Variants in ZNF536 observed in about 807,000 individuals in gnomAD.
ZNF536 encodes the protein zinc finger protein 536.
Under a neutral mutation model 84.5 loss-of-function variants are expected in ZNF536, and 13 were observed. That is an observed-to-expected ratio of 0.15 (90% CI 0.10 to 0.24). The LOEUF (loss-of-function observed/expected upper bound fraction) is 0.24. Among genes scored for constraint, ZNF536 ranks in the 10% least tolerant of loss-of-function variants. ZNF536 has a pLI of 1.00. For missense variants in ZNF536, 1,536 were observed against 1,747.5 expected, an observed-to-expected ratio of 0.88 and a Z score of 2.16; for synonymous variants, 811 against 742.5, an observed-to-expected ratio of 1.09 and a Z score of -1.50.
chr19:30,326,813 T>TTTTTTTTTTTG (rs2047052922), intron 2 of ZNF536, among the ~76,000 whole-genome samples: 1 of 139,254 alleles, frequency 7.2e-6, no homozygotes, highest in African/African-American at 2.7e-5. Flanking sequence ...TTTTTTTTTT[T>TTTTTTTTTTTG]TTTTTGTTTT....
At chr19:30,334,011 G>A (rs1318666183) in intron 2 of ZNF536, among the ~76,000 whole-genome samples, 1 of 152,078 alleles carries the variant, frequency 6.6e-6, no homozygotes, top group African/African-American at 2.4e-5. Context: ...CACCCTTCAG[G>A]TTGAAAATAG....
chr19:30,701,175 G>T (rs1339215352), intron 1 of ZNF536, among the ~76,000 whole-genome samples: 3 of 149,552 alleles, frequency 2.0e-5, no homozygotes, highest in Non-Finnish European at 4.4e-5. Context: ...TCTGGTGCAT[G>T]TGCTATATCT....
intron 2 of ZNF536, among the ~76,000 whole-genome samples, chr19:30,450,606 G>A (rs2052557620): frequency 6.6e-6 from 1 of 152,190 alleles, no homozygotes; most frequent in Non-Finnish European, 1.5e-5. Context: ...GCTCAAGCAT[G>A]TGAGTGATGC....
intron 1 of ZNF536, among the ~76,000 whole-genome samples, chr19:30,579,715 A>C (rs764219182): frequency 1.3e-5 from 2 of 152,184 alleles, no homozygotes; most frequent in Non-Finnish European, 2.9e-5. Flanking sequence ...CTGTCCCCAC[A>C]TCCCCAAGGG....
intron 1 of ZNF536, among the ~76,000 whole-genome samples, chr19:30,654,934 T>C (rs1275592833): frequency 6.6e-6 from 1 of 152,102 alleles, no homozygotes; most frequent in Non-Finnish European, 1.5e-5. Flanking sequence ...AATTTTTATT[T>C]CTGAATGCTG....
Position 30,548,032 on chromosome 19 carries a change from C to T in ZNF536, c.2413C>T (p.Arg805Trp), listed in dbSNP as rs749973474. 33 of 1,613,636 alleles carry T rather than the reference C, an allele frequency of 2.0e-5. No homozygotes were observed. Among genetic ancestry groups the T allele is most frequent in the African/African-American group, 9.3e-5 (7 of 74,908 alleles). The stretch of plus-strand genomic sequence containing the variant: ...CCACTTAGAGCGACACCATCGGGAG[C>T]GGCAGAACGGGGCTGGGCCGCTGTC... ...KYHLERHHRE[R>W]QNGAGPLSGQ... is the part of the protein sequence containing the mutation. The change falls in exon 4 of 5, where the codon CGG becomes TGG. Residue 805 changes from arginine (R) to tryptophan (W), a missense_variant. Around this residue, in one of 8 missense-constraint regions of ZNF536, gnomAD observed 148 missense variants for 205.4 expected, o/e 0.72. Transcript: ENST00000355537.
intron 1 of ZNF536, among the ~76,000 whole-genome samples, chr19:30,590,757 G>A (rs2047248869): frequency 6.6e-6 from 1 of 152,216 alleles, no homozygotes; most frequent in South Asian, 2.1e-4. Flanking sequence ...TGCAGAGTGA[G>A]AGGCTTGGAC....
chr19:30,264,995 T>C (rs994539992), intron 1 of ZNF536, among the ~76,000 whole-genome samples: 3 of 130,680 alleles, frequency 2.3e-5, no homozygotes, highest in African/African-American at 2.9e-5. Context: ...GAGAGATTCA[T>C]TGACCAACAC....
In ZNF536 at chr19:30,413,530, A is replaced by G. The variant is rs539556456; in HGVS notation, c.-2-30031A>G. ...CTGTAATACATGTAACATTTTTGAG[A>G]TGTTGCATGGATGTTTGTAAAGAAT... On this transcript the variant is annotated intron_variant, in intron 1 of 4. Coordinates refer to ENST00000355537, the MANE Select transcript of ZNF536 (RefSeq NM_014717.3). Among the ~76,000 whole-genome samples the G allele has an allele frequency of 1.3e-3, 193 of 152,166 alleles. 2 individuals are homozygous for G. Among genetic ancestry groups the G allele is most frequent in the Middle Eastern group, 3.4e-3 (1 of 294 alleles).
chr19:30,350,975 G>C (rs981781564), intron 2 of ZNF536, among the ~76,000 whole-genome samples: 1 of 152,172 alleles, frequency 6.6e-6, no homozygotes. Flanking sequence ...CATATGCGGG[G>C]TGGTCTGTGC....
At chr19:30,512,825 A>G (rs2055471497) in intron 2 of ZNF536, among the ~76,000 whole-genome samples, 1 of 152,230 alleles carries the variant, frequency 6.6e-6, no homozygotes, top group Admixed American at 6.5e-5. Flanking sequence ...CTAGCAATCT[A>G]TAGAATGCAA....
intron 1 of ZNF536, among the ~76,000 whole-genome samples, chr19:30,588,133 T>G (rs1355966613): frequency 6.6e-6 from 1 of 152,252 alleles, no homozygotes; most frequent in Non-Finnish European, 1.5e-5. Flanking sequence ...CAGATGCACC[T>G]GCTGGGCTGG....
chr19:30,361,468 G>C (rs2048273068), intron 3 of ZNF536, among the ~76,000 whole-genome samples: 1 of 150,998 alleles, frequency 6.6e-6, no homozygotes, highest in African/African-American at 2.4e-5. Flanking sequence ...TAATTATGGT[G>C]CTTTTTGCTT....
chr19:30,589,145 C>T (rs1429640262), intron 1 of ZNF536, among the ~76,000 whole-genome samples: 1 of 152,208 alleles, frequency 6.6e-6, no homozygotes, highest in Non-Finnish European at 1.5e-5. Context: ...CACCTTCCAA[C>T]CCTAGGGCCA....
chr19:30,286,386 A>G (rs2045627217), intron 2 of ZNF536, among the ~76,000 whole-genome samples: 1 of 152,124 alleles, frequency 6.6e-6, no homozygotes, highest in Non-Finnish European at 1.5e-5. Flanking sequence ...GGGAAGAAAC[A>G]GGTTTTGCCC....
At position 30,393,598 on chromosome 19, in the gene ZNF536, C is replaced by A. The variant is rs575474189; in HGVS notation, c.-3+21042C>A. Among the ~76,000 whole-genome samples the A allele has an allele frequency of 1.1e-4, 16 of 152,190 alleles. No individual in the cohort carries two copies. The South Asian group carries it at 3.3e-3, about 32-fold the overall frequency. ...GCCTCTGGTCCTAGGCTAGGGGCAG[C>A]GTCACATTCTCAGGCAGGGGTTACA... On this transcript the variant is annotated intron_variant, in intron 1 of 4. Transcript: ENST00000355537.
intron 2 of ZNF536, among the ~76,000 whole-genome samples, chr19:30,460,059 C>T (rs778144635): frequency 4.6e-5 from 7 of 152,184 alleles, no homozygotes; most frequent in Admixed American, 2.6e-4. Flanking sequence ...GCTGCCATAG[C>T]TCACACCTCA....
rs189624160 is a variant in ZNF536, at chr19:30,333,930, T to A, written c.-119-18438T>A. ...TCCTTTTCTGCAAAGATGATTTTTT[T>A]AAAAAATCACTCTTTTGGTGTGCTA... On this transcript the variant is annotated intron_variant, in intron 2 of 5. Coordinates refer to the ZNF536 transcript ENST00000585628. Among the ~76,000 whole-genome samples, 108 of 152,306 alleles carry A rather than the reference T, an allele frequency of 7.1e-4. No individual in the cohort carries two copies. In the East Asian group the frequency reaches 0.018, roughly 25 times the overall value.
chr19:30,261,290 T>C (rs1448130426), intron 1 of ZNF536, among the ~76,000 whole-genome samples: 3 of 75,204 alleles, frequency 4.0e-5, no homozygotes, highest in Non-Finnish European at 6.9e-5. Context: ...AGAGCGAGAC[T>C]CCGTCTCAAA....
Sources: gnomAD v4.1 joint callset for allele counts (sites outside exome capture counted in the v4.1 genomes callset) on GRCh38, gnomAD v4.1.1 for gene constraint, gnomAD v4.1.1 regional missense constraint, MANE v1.5 for transcripts, NCBI Gene and HGNC (gene_info 2026-07-23, HGNC 2026-07-21) for gene names.